NAV3: variants seen among roughly 807,000 people sequenced by gnomAD.
NAV3 encodes the protein neuron navigator 3, also known as pore membrane and/or filament interacting like protein 1.
In NAV3, 87 loss-of-function variants were observed where a neutral mutation model predicts 244.7. The ratio of observed to expected loss-of-function variants is 0.36; its 90% confidence interval spans 0.30 to 0.42. The LOEUF (loss-of-function observed/expected upper bound fraction) is 0.42, where lower values mean the gene tolerates loss of function less well. Among genes scored for constraint, NAV3 ranks in the 20% least tolerant of loss-of-function variants. The pLI is 1.00. For missense variants in NAV3, 2,663 were observed against 2,893.3 expected, an observed-to-expected ratio of 0.92 and a Z score of 1.83; for synonymous variants, 1,126 against 1,042.2, an observed-to-expected ratio of 1.08 and a Z score of -1.55.
intron 2 of NAV3, among the ~76,000 whole-genome samples, chr12:77,707,279 A>T (rs1158571177): frequency 7.2e-6 from 1 of 139,534 alleles, no homozygotes; most frequent in Middle Eastern, 4.0e-3. Flanking sequence ...TCATTGTTCA[A>T]TTCCCATCTA....
chr12:78,004,048 A>G (rs1032830730), intron 7 of NAV3, among the ~76,000 whole-genome samples: 2 of 152,228 alleles, frequency 1.3e-5, no homozygotes, highest in South Asian at 4.1e-4. Flanking sequence ...AACATGTGGA[A>G]AGAAGAGACA....
chr12:78,153,073 T>C (rs952227169), intron 22 of NAV3, among the ~76,000 whole-genome samples: 1 of 152,034 alleles, frequency 6.6e-6, no homozygotes, highest in South Asian at 2.1e-4. Context: ...ATTTGGGGTG[T>C]TTTTTATATA....
chr12:77,802,935 G>C (rs889478943), intron 2 of NAV3, among the ~76,000 whole-genome samples: 3 of 152,146 alleles, frequency 2.0e-5, no homozygotes, highest in Admixed American at 6.5e-5. Flanking sequence ...CCAAAGTGCT[G>C]GGATTACAGG....
chr12:78,027,111 G>T (rs971158397), intron 9 of NAV3, among the ~76,000 whole-genome samples: 2 of 152,052 alleles, frequency 1.3e-5, no homozygotes, highest in Non-Finnish European at 2.9e-5. Flanking sequence ...AGCTCTCCCC[G>T]TTGAGCTGGG....
At chr12:78,003,747 A>G (rs751920506) in intron 7 of NAV3, among the ~76,000 whole-genome samples, 7 of 152,208 alleles carry the variant, frequency 4.6e-5, no homozygotes, top group Non-Finnish European at 7.3e-5. Flanking sequence ...CCAAGTCATC[A>G]ATATTGTTTA....
intron 9 of NAV3, chr12:78,037,498 A>T: frequency 1.7e-6 from 1 of 594,990 alleles, no homozygotes; most frequent in Non-Finnish European, 3.0e-6. Flanking sequence ...ACTGATTTTT[A>T]AAAATACATA....
intron 5 of NAV3, among the ~76,000 whole-genome samples, chr12:77,977,740 ACT>A (rs1555248346): frequency 6.9e-6 from 1 of 145,492 alleles, no homozygotes; most frequent in Non-Finnish European, 1.5e-5. Context: ...ACACACACAC[ACT>A]CTCTTCAGAA....
At position 78,164,908 on chromosome 12, in the gene NAV3, G is replaced by C. The variant is rs577287055; in HGVS notation, c.4870-3847G>C. ...CCCAAGCTTTGGGATTCTCAACAAA[G>C]TCTTTGTTAGTGAGAAATTTGGAAA... On this transcript the variant is annotated intron_variant, in intron 23 of 39. Coordinates refer to ENST00000397909, the MANE Select transcript of NAV3 (RefSeq NM_001024383.2). Among the ~76,000 whole-genome samples the C allele has an allele frequency of 2.0e-5, 3 of 152,188 alleles. No individual in the cohort carries two copies. The South Asian group carries it at 6.2e-4, about 32-fold the overall frequency.
chr12:78,175,224 G>A (rs1958168545), intron 24 of NAV3, 82 bp from the exon 25 acceptor site: 2 of 1,472,322 alleles, frequency 1.4e-6, no homozygotes, highest in Admixed American at 1.9e-5. Context: ...TTAGAGAACT[G>A]CCTCTCAAAA....
intron 23 of NAV3, among the ~76,000 whole-genome samples, chr12:78,162,564 A>G (rs1957589134): frequency 6.6e-6 from 1 of 151,800 alleles, no homozygotes; most frequent in Admixed American, 6.6e-5. Context: ...AGATGATAAT[A>G]AAAATATAAT....
intron 1 of NAV3, among the ~76,000 whole-genome samples, chr12:77,844,843 C>G (rs998787293): frequency 2.6e-5 from 4 of 152,122 alleles, no homozygotes; most frequent in African/African-American, 9.7e-5. Context: ...AGTCAGGTGG[C>G]CTGAATTGGA....
At chr12:77,915,070 C>G (rs1886991154) in intron 1 of NAV3, among the ~76,000 whole-genome samples, 1 of 151,970 alleles carries the variant, frequency 6.6e-6, no homozygotes, top group Non-Finnish European at 1.5e-5. Context: ...TTAACAAAAT[C>G]TGAATGTCTT....
At chr12:77,691,327 G>GTATA (rs1565774001) in intron 2 of NAV3, among the ~76,000 whole-genome samples, 2 of 10,046 alleles carry the variant, frequency 2.0e-4, no homozygotes, top group Non-Finnish European at 5.3e-4. Context: ...ATAAGTATTT[G>GTATA]TGTATGTGTG....
At chr12:77,849,362 A>G (rs1877143589) in intron 1 of NAV3, among the ~76,000 whole-genome samples, 1 of 152,148 alleles carries the variant, frequency 6.6e-6, no homozygotes, top group Admixed American at 6.6e-5. Flanking sequence ...GATTTATTGG[A>G]TAGAAATGCC....
rs562106694 is a variant in NAV3, at chr12:78,003,270, G to A, written c.881-3149G>A. On this transcript the variant is annotated intron_variant, in intron 7 of 39. Transcript: ENST00000397909. ...TCAACTTAATTTTTTTAAAGCATTT[G>A]GTATGTTGTTGTGGAATTAAAGTCC... 2.0e-5 allele frequency among the ~76,000 whole-genome samples: 3 copies of A among 151,878 alleles called. No homozygotes were observed. The South Asian group carries it at 6.2e-4, about 32-fold the overall frequency.
At chr12:77,716,984 G>C (rs778396023) in intron 2 of NAV3, among the ~76,000 whole-genome samples, 1 of 152,028 alleles carries the variant, frequency 6.6e-6, no homozygotes, top group South Asian at 2.1e-4. Flanking sequence ...ATGATTAAAA[G>C]AAAAGATGTA....
intron 2 of NAV3, among the ~76,000 whole-genome samples, chr12:77,809,668 C>T (rs1448113261): frequency 6.6e-6 from 1 of 152,128 alleles, no homozygotes; most frequent in African/African-American, 2.4e-5. Flanking sequence ...CCCAGTGAAC[C>T]TGAGGATGAG....
chr12:77,790,416 G>C (rs538790371), intron 2 of NAV3, among the ~76,000 whole-genome samples: 1 of 152,212 alleles, frequency 6.6e-6, no homozygotes, highest in South Asian at 2.1e-4. Context: ...AGATTGTTCT[G>C]GGTATAAGGT....
intron 31 of NAV3, among the ~76,000 whole-genome samples, chr12:78,187,841 A>G (rs981293097): frequency 1.3e-5 from 2 of 151,920 alleles, no homozygotes; most frequent in African/African-American, 2.4e-5. Context: ...GAATTCATAT[A>G]ATATGGTTCT....
Sources: allele counts gnomAD v4.1 joint callset (sites outside exome capture counted in the v4.1 genomes callset), GRCh38; gene constraint gnomAD v4.1.1; transcripts MANE v1.5; gene names NCBI Gene and HGNC (gene_info 2026-07-23, HGNC 2026-07-21).